SPINK5: variants seen among roughly 807,000 people sequenced by gnomAD.
SPINK5 encodes serine peptidase inhibitor Kazal type 5, also known as serine protease inhibitor Kazal-type 5.
Under a neutral mutation model 151.8 loss-of-function variants are expected in SPINK5, and 125 were observed. That is an observed-to-expected ratio of 0.82 (90% CI 0.71 to 0.96). The LOEUF (loss-of-function observed/expected upper bound fraction) is 0.96. Among genes scored for constraint, SPINK5 ranks in the 40% least tolerant of loss-of-function variants. SPINK5 has a pLI of 0.00. For synonymous variants in SPINK5, 374 were observed against 395.3 expected (o/e 0.95, Z 0.64); for missense variants, 1,194 against 1,291.9 (o/e 0.92, Z 1.16).
chr5:148,089,542 T>G lies in SPINK5; in HGVS notation c.523T>G (p.Cys175Gly), dbSNP rs772662655. The change falls in exon 7 of 33, where the codon TGC becomes GGC. Residue 175 changes from cysteine to glycine, a missense_variant. Cys to Gly is a radical substitution (Grantham distance 159). Transcript: ENST00000256084. ...RPFVRDGRLG[C>G]TRENDPVLGP... ...CTTTGTTAGAGATGGAAGACTTGGATGCACAAGGGAAAATGATCCTGTTCT... is the reference window on the plus strand; with the variant it reads ...CTTTGTTAGAGATGGAAGACTTGGAGGCACAAGGGAAAATGATCCTGTTCT... The G allele has an allele frequency of 2.5e-6, 4 of 1,612,052 alleles. No homozygotes were observed. Among genetic ancestry groups the G allele is most frequent in the Admixed American group, 3.3e-5 (2 of 59,832 alleles).
At chr5:148,113,513 T>C (rs978532546) in intron 20 of SPINK5, among the ~76,000 whole-genome samples, 1 of 152,130 alleles carries the variant, frequency 6.6e-6, no homozygotes, top group Non-Finnish European at 1.5e-5. Context: ...TTACCTGTGG[T>C]TATATTTTGG....
intron 6 of SPINK5, 179 bp from the exon 7 acceptor site, chr5:148,089,315 A>G (rs2113066854): frequency 1.3e-6 from 1 of 794,114 alleles, no homozygotes; most frequent in East Asian, 2.8e-5. Context: ...ACAAGTAAAA[A>G]AGTTTTATAT....
Position 148,137,295 on chromosome 5 carries a change from G to T in SPINK5, c.*304G>T. 4.4e-6 allele frequency: 2 copies of T among 457,360 alleles called. No homozygotes were observed. Among genetic ancestry groups the T allele is most frequent in the East Asian group, 3.6e-5 (1 of 28,148 alleles). The allele number at this position is 457,360 out of a possible 1,614,324, so 28.3% of individuals were successfully genotyped here. A position where few individuals can be genotyped will look rare whatever the true frequency, so the allele number is the denominator to read the frequency against. ...TAAACTCAGCAGAACACCCTTTCTG[G>T]GATTTCTTTGTCACTATCTGGATAA... On this transcript the variant is annotated 3_prime_UTR_variant, in exon 33 of 33. Transcript: ENST00000256084.
chr5:148,130,708 A>G (rs1754549262), intron 30 of SPINK5, among the ~76,000 whole-genome samples: 1 of 152,154 alleles, frequency 6.6e-6, no homozygotes, highest in Non-Finnish European at 1.5e-5. Flanking sequence ...ATGAACTTAC[A>G]TGCATTATCT....
chr5:148,089,654 A>T lies in SPINK5; in HGVS notation c.602+33A>T, dbSNP rs776066068. ...GCATCATCCCCAGGTGGACTTGATG[A>T]TGATGCACTTGGTTGCTGTCCCGAG... On this transcript the variant is annotated intron_variant, in intron 7 of 32. Coordinates refer to ENST00000256084, the MANE Select transcript of SPINK5 (RefSeq NM_006846.4). 9 of 1,611,028 alleles carry T rather than the reference A, an allele frequency of 5.6e-6. No individual in the cohort carries two copies. In the East Asian group the frequency reaches 2.0e-4, roughly 36 times the overall value.
intron 8 of SPINK5, among the ~76,000 whole-genome samples, chr5:148,092,457 A>G (rs1433911173): frequency 6.6e-6 from 1 of 151,880 alleles, no homozygotes; most frequent in African/African-American, 2.4e-5. Context: ...CTTCATAAAC[A>G]CAGAGAGTTA....
chr5:148,125,671 C>G, intron 28 of SPINK5, 52 bp from the exon 29 acceptor site: 1 of 1,614,162 alleles, frequency 6.2e-7, no homozygotes, highest in African/African-American at 1.3e-5. Context: ...GAAGAAATCA[C>G]TAAGCCAAAA....
At chr5:148,123,397 TAG>T (rs200933728) in intron 26 of SPINK5, among the ~76,000 whole-genome samples, 1 of 97,672 alleles carries the variant, frequency 1.0e-5, no homozygotes, top group Non-Finnish European at 2.3e-5. Flanking sequence ...TATATATATA[TAG>T]ATAGATATAA....
At chr5:148,108,678 T>TC in intron 17 of SPINK5, 75 bp from the exon 18 acceptor site, 1 of 1,573,430 alleles carries the variant, frequency 6.4e-7, no homozygotes, top group Non-Finnish European at 8.7e-7. Flanking sequence ...TGGAAGATCC[T>TC]CATTCCTTTT....
At chr5:148,118,217 C>T (rs1754150181) in intron 22 of SPINK5, among the ~76,000 whole-genome samples, 1 of 152,154 alleles carries the variant, frequency 6.6e-6, no homozygotes, top group South Asian at 2.1e-4. Context: ...CAGTGTTTCA[C>T]CATGCTGTCC....
At chr5:148,076,068 G>C (rs994340890) in intron 4 of SPINK5, among the ~76,000 whole-genome samples, 1 of 151,722 alleles carries the variant, frequency 6.6e-6, no homozygotes, top group African/African-American at 2.4e-5. Context: ...ATAAAGCTGC[G>C]CATATCCGCT....
At chr5:148,109,296 G>C (rs1037176404) in intron 18 of SPINK5, among the ~76,000 whole-genome samples, 5 of 152,062 alleles carry the variant, frequency 3.3e-5, no homozygotes, top group Non-Finnish European at 7.4e-5. Context: ...CATCTCACAT[G>C]ATGGTGATAA....
chr5:148,119,689 C>T (rs1172936342), intron 24 of SPINK5, among the ~76,000 whole-genome samples: 1 of 152,224 alleles, frequency 6.6e-6, no homozygotes, highest in Non-Finnish European at 1.5e-5. Flanking sequence ...CTGCCGCTGC[C>T]TCTCTCTTTA....
At chr5:148,111,716 T>C (rs193008147) in intron 18 of SPINK5, 52 bp from the exon 19 acceptor site, 505 of 1,613,216 alleles carry the variant, frequency 3.1e-4, no homozygotes, top group Admixed American at 6.0e-4. Flanking sequence ...GAGGAAGATT[T>C]CTAGTGTTTA....
At chr5:148,127,105 TA>T in intron 30 of SPINK5, 26 bp downstream of exon 30, 1 of 1,580,904 alleles carries the variant, frequency 6.3e-7, no homozygotes, top group Non-Finnish European at 8.7e-7. Flanking sequence ...TCTGAAAAGC[TA>T]CTTATCAATT....
At position 148,127,053 on chromosome 5, in the gene SPINK5, GAC is replaced by G. The variant is rs755459804; in HGVS notation, c.2940_2941del (p.Asp980GlufsTer11). On this transcript the variant is annotated frameshift_variant, in exon 30 of 33. Coordinates refer to ENST00000256084, the MANE Select transcript of SPINK5 (RefSeq NM_006846.4). LOFTEE classifies it high-confidence loss of function. ...PSHVRASQEE[D>X]SPDSFSSLDS... ...CCATGTTAGAGCTTCTCAAGAGGAAGACAGCCCAGACTCTTTCAGTTCTCTGG... is the reference window on the plus strand; with the variant it reads ...CCATGTTAGAGCTTCTCAAGAGGAAGAGCCCAGACTCTTTCAGTTCTCTGG... 1.2e-6 allele frequency: 2 copies of G among 1,613,636 alleles called. No individual in the cohort carries two copies. The highest frequency in any genetic ancestry group is 1.7e-5 in the Admixed American group (1 of 59,986).
intron 16 of SPINK5, 52 bp downstream of exon 16, chr5:148,105,052 A>G (rs1310455023): frequency 1.3e-6 from 2 of 1,558,696 alleles, no homozygotes; most frequent in African/African-American, 1.4e-5. Flanking sequence ...TCATTTCTTT[A>G]TAATTCTTTA....
Position 148,089,569 on chromosome 5 carries a change from G to T in SPINK5, c.550G>T (p.Gly184Cys). ...GCTRENDPVL[G>C]PDGKTHGNKC... ...CACAAGGGAAAATGATCCTGTTCTTGGTCCTGATGGGAAGACGCATGGCAA... is the reference window on the plus strand; with the variant it reads ...CACAAGGGAAAATGATCCTGTTCTTTGTCCTGATGGGAAGACGCATGGCAA... Residue 184 changes from glycine to cysteine, a missense_variant, in exon 7 of 33, where the codon GGT (glycine) becomes TGT (cysteine). Gly to Cys is a radical substitution (Grantham distance 159). Coordinates refer to ENST00000256084, the MANE Select transcript of SPINK5 (RefSeq NM_006846.4). 1 of 1,612,186 alleles carries T rather than the reference G, an allele frequency of 6.2e-7. No homozygotes were observed. The highest frequency in any genetic ancestry group is 8.5e-7 in the Non-Finnish European group (1 of 1,178,804).
intron 18 of SPINK5, among the ~76,000 whole-genome samples, chr5:148,109,321 C>T (rs1221576685): frequency 6.6e-6 from 1 of 152,044 alleles, no homozygotes; most frequent in African/African-American, 2.4e-5. Flanking sequence ...GATAATTGTA[C>T]ATTCGTTGCT....
Sources: allele counts gnomAD v4.1 joint callset (sites outside exome capture counted in the v4.1 genomes callset), GRCh38; gene constraint gnomAD v4.1.1; transcripts MANE v1.5; gene names NCBI Gene and HGNC (gene_info 2026-07-23, HGNC 2026-07-21).